Variants in LUZP2 observed in about 807,000 individuals in gnomAD.
LUZP2 encodes leucine zipper protein 2.
A neutral mutation model predicts 51.6 loss-of-function variants in LUZP2; 52 were observed. The observed-to-expected ratio is 1.01, with a 90% confidence interval of 0.81 to 1.27. The LOEUF is 1.27. LUZP2 is among the 50% of genes most tolerant of loss of function. The pLI is 0.00. For missense variants in LUZP2, 436 were observed against 395.4 expected (o/e 1.10, Z -0.87); for synonymous variants, 154 against 137.3 (o/e 1.12, Z -0.85).
intron 1 of LUZP2, among the ~76,000 whole-genome samples, chr11:24,514,638 C>T (rs988050786): frequency 1.3e-5 from 2 of 151,654 alleles, no homozygotes. Context: ...TGTAAATAAA[C>T]TTTGTTAACA....
intron 5 of LUZP2, among the ~76,000 whole-genome samples, chr11:24,885,348 T>G (rs1358765126): frequency 1.3e-5 from 2 of 152,138 alleles, no homozygotes; most frequent in African/African-American, 4.8e-5. Context: ...GCTTCTGATA[T>G]ACATGCTTTA....
At position 24,974,579 on chromosome 11, in the gene LUZP2, T is replaced by C. The variant is rs188232221; in HGVS notation, c.523-2012T>C. Among the ~76,000 whole-genome samples the C allele has an allele frequency of 9.2e-4, 140 of 152,214 alleles. 1 individual carries two copies. The highest frequency in any genetic ancestry group is 4.1e-4 in the Non-Finnish European group (28 of 67,998). ...CTTTCTACCAATAAAATGAAATACATGTGATTTAAATATAATTTATAAATT... is the reference window on the plus strand; with the variant it reads ...CTTTCTACCAATAAAATGAAATACACGTGATTTAAATATAATTTATAAATT... On this transcript the variant is annotated intron_variant, in intron 7 of 11. Transcript: ENST00000336930.
intron 1 of LUZP2, among the ~76,000 whole-genome samples, chr11:24,570,736 C>T (rs1355342989): frequency 6.6e-6 from 1 of 151,954 alleles, no homozygotes; most frequent in Admixed American, 6.6e-5. Flanking sequence ...CTTTAACTTC[C>T]ATAGATGTTA....
At chr11:25,076,319 A>G (rs904169694) in intron 10 of LUZP2, among the ~76,000 whole-genome samples, 3 of 152,130 alleles carry the variant, frequency 2.0e-5, no homozygotes, top group Non-Finnish European at 4.4e-5. Flanking sequence ...TGCTGCAATT[A>G]CAAGTGTGAG....
rs373981789 is a variant in LUZP2, at chr11:24,897,072, T to C, written c.397-8919T>C. 1.8e-3 allele frequency among the ~76,000 whole-genome samples: 281 copies of C among 152,286 alleles called. 2 individuals carry two copies. Among genetic ancestry groups the C allele is most frequent in the African/African-American group, 6.4e-3 (266 of 41,570 alleles). ...TTTGTAAACACACCAATCAGTGCTC[T>C]GTGTCTAGTTAACCTAGTGGGGACT... On this transcript the variant is annotated intron_variant, in intron 5 of 11. Coordinates refer to ENST00000336930, the MANE Select transcript of LUZP2 (RefSeq NM_001009909.4).
intron 1 of LUZP2, among the ~76,000 whole-genome samples, chr11:24,591,997 T>A (rs970395193): frequency 6.6e-6 from 1 of 152,188 alleles, no homozygotes; most frequent in Non-Finnish European, 1.5e-5. Flanking sequence ...AGACCTGTTA[T>A]ATTTTGTGCA....
chr11:24,595,409 C>T (rs920767961), intron 1 of LUZP2, among the ~76,000 whole-genome samples: 2 of 152,026 alleles, frequency 1.3e-5, no homozygotes, highest in African/African-American at 2.4e-5. Flanking sequence ...TCTAGGTTAG[C>T]GGTTTACATT....
intron 1 of LUZP2, among the ~76,000 whole-genome samples, chr11:24,644,490 C>CT (rs959341202): frequency 1.1e-3 from 161 of 144,616 alleles, no homozygotes; most frequent in Middle Eastern, 3.7e-3. Flanking sequence ...TCCAACCTCT[C>CT]TTTTTTTTTT....
At chr11:24,912,920 A>G (rs1853682193) in intron 6 of LUZP2, among the ~76,000 whole-genome samples, 2 of 152,210 alleles carry the variant, frequency 1.3e-5, no homozygotes, top group Admixed American at 1.3e-4. Flanking sequence ...TATTTCTACC[A>G]TATAGGCAGA....
intron 1 of LUZP2, among the ~76,000 whole-genome samples, chr11:24,596,272 A>G (rs16912903): frequency 0.15 from 22,577 of 152,146 alleles, 1,788 homozygotes; most frequent in Middle Eastern, 0.19. Flanking sequence ...ACTATTTCCT[A>G]TGTGTCTACA....
chr11:24,893,200 G>A (rs1167395432), intron 5 of LUZP2: 2 of 151,926 alleles, frequency 1.3e-5, no homozygotes, highest in South Asian at 2.1e-4. Context: ...TCATTTATTC[G>A]TTCATGAATG....
intron 1 of LUZP2, among the ~76,000 whole-genome samples, chr11:24,527,567 T>TCTCACACACACACACACACACACA: frequency 1.5e-5 from 2 of 131,644 alleles, no homozygotes; most frequent in Non-Finnish European, 3.3e-5. Context: ...TCTCTCTCTC[T>TCTCACACACACACACACACACACA]CACACACACA....
intron 8 of LUZP2, among the ~76,000 whole-genome samples, chr11:24,980,459 T>C (rs1241468767): frequency 1.3e-5 from 2 of 151,656 alleles, no homozygotes; most frequent in Non-Finnish European, 2.9e-5. Context: ...TAAGATAAAA[T>C]GATAAATATT....
In LUZP2 at chr11:24,611,291, A is replaced by G. The variant is rs1480479919; in HGVS notation, c.62+113986A>G. Reference sequence around the variant, plus strand: ...CAAAGCTTAAGGGAGCAAAATAATAACAAAAATGCTTCTACAGTCCATTAT... The same window carrying G: ...CAAAGCTTAAGGGAGCAAAATAATAGCAAAAATGCTTCTACAGTCCATTAT... On this transcript the variant is annotated intron_variant, in intron 1 of 11. Coordinates refer to ENST00000336930, the MANE Select transcript of LUZP2 (RefSeq NM_001009909.4). The surrounding 1 kb of genome is among the most constrained non-coding windows in gnomAD (Gnocchi z 4.6). 6.6e-6 allele frequency among the ~76,000 whole-genome samples: 1 copy of G among 152,176 alleles called. No homozygotes were observed. Among genetic ancestry groups the G allele is most frequent in the Non-Finnish European group, 1.5e-5 (1 of 68,034 alleles).
chr11:25,026,206 G>A (rs987577463), intron 9 of LUZP2, among the ~76,000 whole-genome samples: 2 of 151,868 alleles, frequency 1.3e-5, no homozygotes, highest in East Asian at 1.9e-4. Flanking sequence ...ATGAGTTAAT[G>A]GGTGCAGCAC....
chr11:24,557,346 A>G (rs551837007), intron 1 of LUZP2, among the ~76,000 whole-genome samples: 17 of 152,304 alleles, frequency 1.1e-4, no homozygotes, highest in African/African-American at 3.6e-4. Flanking sequence ...ATGTAAATAT[A>G]TCCTATTTAA....
chr11:24,769,087 A>T (rs557663886), intron 5 of LUZP2, among the ~76,000 whole-genome samples: 1 of 152,330 alleles, frequency 6.6e-6, no homozygotes, highest in South Asian at 2.1e-4. Flanking sequence ...ATTTGTGCAA[A>T]CATGGATGAA....
intron 10 of LUZP2, among the ~76,000 whole-genome samples, chr11:25,050,499 T>G (rs1590877317): frequency 6.6e-6 from 1 of 151,924 alleles, no homozygotes; most frequent in Admixed American, 6.6e-5. Flanking sequence ...AGAGACGGGG[T>G]TTCACCGTGT....
At chr11:24,764,521 C>G (rs1376933543) in intron 5 of LUZP2, among the ~76,000 whole-genome samples, 3 of 115,476 alleles carry the variant, frequency 2.6e-5, no homozygotes, top group African/African-American at 6.2e-5. Context: ...AAAAAATTAG[C>G]TGGGAGTGGT....
Sources: gnomAD v4.1 joint callset for allele counts (sites outside exome capture counted in the v4.1 genomes callset) on GRCh38, gnomAD v4.1.1 for gene constraint, Gnocchi (gnomAD v3.1) non-coding constraint, MANE v1.5 for transcripts, NCBI Gene and HGNC (gene_info 2026-07-23, HGNC 2026-07-21) for gene names.